Variants in RPS6KA3 observed in about 807,000 individuals in gnomAD.
The protein encoded by RPS6KA3 is ribosomal protein S6 kinase alpha-3.
RPS6KA3 carries 4 observed loss-of-function variants against 67.2 expected under a neutral mutation model. That is an observed-to-expected ratio of 0.06 (90% CI 0.03 to 0.14). The LOEUF is 0.14. Among genes scored for constraint, RPS6KA3 ranks in the 10% least tolerant of loss-of-function variants. The pLI is 1.00. For synonymous variants in RPS6KA3, 182 were observed against 183.7 expected, an observed-to-expected ratio of 0.99 and a Z score of 0.07; for missense variants, 204 against 559.0, an observed-to-expected ratio of 0.36 and a Z score of 6.40.
At chrX:20,173,008 C>T (rs928803481) in intron 14 of RPS6KA3, 137 bp from the exon 15 acceptor site, 12 of 501,506 alleles carry the variant, frequency 2.4e-5, no homozygotes, top group Non-Finnish European at 3.6e-5. Context: ...CTTTATAGTA[C>T]TTATTATTCT....
At chrX:20,249,045 G>C (rs1215793542) in intron 1 of RPS6KA3, among the ~76,000 whole-genome samples, 1 of 111,746 alleles carries the variant, frequency 8.9e-6, no homozygotes, top group African/African-American at 3.3e-5. Context: ...CGATAATTCT[G>C]TCATTTTAAG....
At chrX:20,184,646 A>G (rs754214866) in intron 10 of RPS6KA3, among the ~76,000 whole-genome samples, 1 of 110,318 alleles carries the variant, frequency 9.1e-6, no homozygotes, top group Non-Finnish European at 1.9e-5. Context: ...TCCTGGGCTC[A>G]AGCAATCTGC....
At chrX:20,226,216 G>C (rs1468888513) in intron 2 of RPS6KA3, among the ~76,000 whole-genome samples, 2 of 111,576 alleles carry the variant, frequency 1.8e-5, no homozygotes, top group African/African-American at 6.5e-5. Flanking sequence ...GTAGATCTAA[G>C]ATACGGGAGA....
rs774405280 is a variant in RPS6KA3, at chrX:20,166,713, C to CTT, written c.1602+874_1602+875dup. On this transcript the variant is annotated intron_variant, in intron 17 of 21. Coordinates refer to ENST00000379565, the MANE Select transcript of RPS6KA3 (RefSeq NM_004586.3). ...TCTCCTTTCCTCCCAGACTTCCCTT[C>CTT]TTTTTTTTTTTTTTTTTTTTTTGAG... Among the ~76,000 whole-genome samples, 478 of 81,345 alleles carry CTT rather than the reference C, an allele frequency of 5.9e-3. 3 individuals are homozygous for CTT. Among genetic ancestry groups the CTT allele is most frequent in the African/African-American group, 0.014 (268 of 19,087 alleles). 70.6% of individuals were successfully genotyped at this position (81,345 alleles called of 115,157 possible). A position where few individuals can be genotyped will look rare whatever the true frequency, so the allele number is the denominator to read the frequency against.
intron 1 of RPS6KA3, among the ~76,000 whole-genome samples, chrX:20,261,721 T>A (rs2070236496): frequency 8.9e-6 from 1 of 112,154 alleles, no homozygotes; most frequent in South Asian, 3.6e-4. Context: ...AACTTAATGA[T>A]TAAATATGGT....
intron 2 of RPS6KA3, among the ~76,000 whole-genome samples, chrX:20,219,961 A>G (rs2068948672): frequency 8.9e-6 from 1 of 111,746 alleles, no homozygotes; most frequent in African/African-American, 3.3e-5. Flanking sequence ...CAAAATCTAA[A>G]GACACTCTAG....
intron 4 of RPS6KA3, among the ~76,000 whole-genome samples, chrX:20,195,761 C>T (rs982041401): frequency 1.8e-5 from 2 of 111,622 alleles, no homozygotes; most frequent in African/African-American, 6.5e-5. Flanking sequence ...AAAACTTAAG[C>T]ATCACAAGAT....
intron 1 of RPS6KA3, among the ~76,000 whole-genome samples, chrX:20,239,844 C>T (rs1475237267): frequency 9.0e-6 from 1 of 111,151 alleles, no homozygotes; most frequent in Non-Finnish European, 1.9e-5. Context: ...TAGAGTATTC[C>T]TAACTATTTT....
At chrX:20,243,797 A>C (rs1447509347) in intron 1 of RPS6KA3, among the ~76,000 whole-genome samples, 1 of 111,377 alleles carries the variant, frequency 9.0e-6, no homozygotes, top group African/African-American at 3.3e-5. Flanking sequence ...GCTGGCCCTA[A>C]AACCCCTACT....
chrX:20,257,548 T>C (rs1014976134), intron 1 of RPS6KA3, among the ~76,000 whole-genome samples: 11 of 112,250 alleles, frequency 9.8e-5, no homozygotes, highest in Non-Finnish European at 2.1e-4. Flanking sequence ...GTCTCAATTT[T>C]CTTACATAAA....
At chrX:20,182,254 T>C (rs5955889) in intron 10 of RPS6KA3, among the ~76,000 whole-genome samples, 11,318 of 111,581 alleles carry the variant, frequency 0.1, 1,433 homozygotes, top group African/African-American at 0.35. Flanking sequence ...CTAAAAACTA[T>C]GCTTTAGTTT....
Position 20,266,718 on chromosome X carries a change from A to ACGGCAGCGG in RPS6KA3, c.-95_-87dup, listed in dbSNP as rs1211710971. 7 of 580,867 alleles carry ACGGCAGCGG rather than the reference A, an allele frequency of 1.2e-5. No individual in the cohort carries two copies. Among genetic ancestry groups the ACGGCAGCGG allele is most frequent in the Non-Finnish European group, 1.4e-5 (7 of 496,262 alleles). The allele number at this position is 580,867 out of a possible 1,213,427, so 47.9% of individuals were successfully genotyped here. ...CCCGCTCCGTCGCCGCCCGAGCCCC[A>ACGGCAGCGG]CGGCAGCGGCGGCGGCGGCGGCGGC... On this transcript the variant is annotated 5_prime_UTR_variant, in exon 1 of 22. Transcript: ENST00000379565.
rs1013295542 is a variant in RPS6KA3, at chrX:20,151,247, T to C, written c.*4151A>G. On this transcript the variant is annotated 3_prime_UTR_variant, in exon 22 of 22. Transcript: ENST00000379565. The stretch of plus-strand genomic sequence containing the variant: ...GCATTATCATTCTGGAGATTCTTCA[T>C]TGGAAAAAGTGGTTAAGTGTGGCTC... The C allele has an allele frequency of 4.4e-5, 5 of 112,415 alleles. No individual in the cohort carries two copies. The highest frequency in any genetic ancestry group is 2.8e-4 in the East Asian group (1 of 3,604). 9.3% of individuals were successfully genotyped at this position (112,415 alleles called of 1,213,427 possible). A position where few individuals can be genotyped will look rare whatever the true frequency, so the allele number is the denominator to read the frequency against.
chrX:20,259,046 A>T (rs983163452), intron 1 of RPS6KA3, among the ~76,000 whole-genome samples: 4 of 111,939 alleles, frequency 3.6e-5, no homozygotes, highest in African/African-American at 1.3e-4. Flanking sequence ...ACATAAAATC[A>T]CTATTTATTA....
chrX:20,176,980 T>C lies in RPS6KA3; in HGVS notation c.934+16A>G, dbSNP rs772486468. On this transcript the variant is annotated intron_variant, in intron 11 of 21. Transcript: ENST00000379565. ...CAACAAACATACAACATAAACAAATTAGTTAAAATTTTTACCTAATCTGTT... is the reference window on the plus strand; with the variant it reads ...CAACAAACATACAACATAAACAAATCAGTTAAAATTTTTACCTAATCTGTT... The C allele has an allele frequency of 1.8e-6, 2 of 1,119,561 alleles. No homozygotes were observed. The highest frequency in any genetic ancestry group is 2.4e-4 in the Middle Eastern group (1 of 4,109). The allele number at this position is 1,119,561 out of a possible 1,213,427, so 92.3% of individuals were successfully genotyped here. A position where few individuals can be genotyped will look rare whatever the true frequency, so the allele number is the denominator to read the frequency against.
At chrX:20,185,576 T>C (rs772072991) in intron 10 of RPS6KA3, among the ~76,000 whole-genome samples, 1 of 111,164 alleles carries the variant, frequency 9.0e-6, no homozygotes, top group African/African-American at 3.3e-5. Flanking sequence ...TTTGTAGAGA[T>C]GGGGTTTTGC....
chrX:20,195,713 A>G (rs1281001102), intron 4 of RPS6KA3, among the ~76,000 whole-genome samples: 1 of 112,331 alleles, frequency 8.9e-6, no homozygotes, highest in Non-Finnish European at 1.9e-5. Flanking sequence ...TTAGACAGAA[A>G]GATATGAATT....
Position 20,154,556 on chromosome X carries a change from A to G in RPS6KA3, c.*842T>C, listed in dbSNP as rs182279239. 3 of 112,497 alleles carry G rather than the reference A, an allele frequency of 2.7e-5. No individual in the cohort carries two copies. In the Admixed American group the frequency reaches 2.8e-4, roughly 11 times the overall value. The allele number at this position is 112,497 out of a possible 1,213,427, so 9.3% of individuals were successfully genotyped here. A position where few individuals can be genotyped will look rare whatever the true frequency, so the allele number is the denominator to read the frequency against. On this transcript the variant is annotated 3_prime_UTR_variant, in exon 22 of 22. Transcript: ENST00000379565. Reference sequence around the variant, plus strand: ...AGGACTACTTCCTTAATTAAGGAAAAAAGTACTCTAAGGAGTTGCAAAGTA... The same window carrying G: ...AGGACTACTTCCTTAATTAAGGAAAGAAGTACTCTAAGGAGTTGCAAAGTA...
At chrX:20,231,139 G>A (rs2069253530) in intron 2 of RPS6KA3, among the ~76,000 whole-genome samples, 1 of 110,253 alleles carries the variant, frequency 9.1e-6, no homozygotes, top group South Asian at 3.8e-4. Context: ...TAAACCTGTA[G>A]TAGAGACAGG....
Sources: allele counts gnomAD v4.1 joint callset (sites outside exome capture counted in the v4.1 genomes callset), GRCh38; gene constraint gnomAD v4.1.1; transcripts MANE v1.5; gene names NCBI Gene and HGNC (gene_info 2026-07-23, HGNC 2026-07-21).